Variants in CWF19L1 observed in about 807,000 individuals in gnomAD.
CWF19L1 encodes CWF19 like cell cycle control factor 1.
In CWF19L1, 60 loss-of-function variants were observed where a neutral mutation model predicts 69.7. That is an observed-to-expected ratio of 0.86 (90% CI 0.70 to 1.07). CWF19L1 has a LOEUF of 1.07. CWF19L1 is among the 50% of genes least tolerant of loss of function. CWF19L1 has a pLI of 0.00. For synonymous variants in CWF19L1, 209 were observed against 222.2 expected (o/e 0.94, Z 0.53); for missense variants, 591 against 638.9 (o/e 0.92, Z 0.81).
rs1199183806 is a variant in CWF19L1, at chr10:100,243,755, C to A, written c.987G>T (p.Trp329Cys). ...CCACTTCAGGGCTAGCAAGGCAAAA[C>A]CAGCAGGGTCCTGGAGGCTGAGCTT... The part of the protein sequence containing the change: ...RKPPQPPGPC[W>C]FCLASPEVEK... Residue 329 changes from tryptophan to cysteine, a missense_variant, in exon 10 of 14, where the codon TGG becomes TGT. This residue lies in a region of CWF19L1 where 458 missense variants were observed against 489.3 expected (regional missense o/e 0.94). Coordinates refer to ENST00000354105, the MANE Select transcript of CWF19L1 (RefSeq NM_018294.6). 2 of 1,614,030 alleles carry A rather than the reference C, an allele frequency of 1.2e-6. No individual in the cohort carries two copies. The highest frequency in any genetic ancestry group is 8.5e-7 in the Non-Finnish European group (1 of 1,179,990).
At chr10:100,265,944 G>A (rs1331693322) in intron 1 of CWF19L1, among the ~76,000 whole-genome samples, 1 of 152,190 alleles carries the variant, frequency 6.6e-6, no homozygotes, top group Non-Finnish European at 1.5e-5. Context: ...TAGGTGTACA[G>A]GAAGCCATAC....
Position 100,243,687 on chromosome 10 carries a change from A to G in CWF19L1, c.1044+11T>C, listed in dbSNP as rs778196729. 6.2e-7 allele frequency: 1 copy of G among 1,612,780 alleles called. No homozygotes were observed. Among genetic ancestry groups the G allele is most frequent in the Non-Finnish European group, 8.5e-7 (1 of 1,178,740 alleles). On this transcript the variant is annotated intron_variant, in intron 10 of 13. Transcript: ENST00000354105. ...ATCTCCTTCTCTATAAAGTCCAAGG[A>G]AGTAACTCACATGTGTGCCGATGTT... is the stretch of plus-strand genomic sequence containing the variant.
At chr10:100,260,789 C>T (rs932793908) in intron 3 of CWF19L1, among the ~76,000 whole-genome samples, 177 bp downstream of exon 3, 5 of 151,940 alleles carry the variant, frequency 3.3e-5, no homozygotes, top group African/African-American at 9.7e-5. Context: ...TCCCAAAGTG[C>T]GGGGATTACA....
rs180918866 is a variant in CWF19L1 at position 100,261,116 on chromosome 10, C to G, written c.109-72G>C. 542 of 961,444 alleles carry G rather than the reference C, an allele frequency of 5.6e-4. 5 individuals carry two copies. The highest frequency in any genetic ancestry group is 3.8e-3 in the Middle Eastern group (15 of 3,954). 59.6% of individuals were successfully genotyped at this position (961,444 alleles called of 1,614,324 possible). A position where few individuals can be genotyped will look rare whatever the true frequency, so the allele number is the denominator to read the frequency against. On this transcript the variant is annotated intron_variant, in intron 2 of 13. Coordinates refer to ENST00000354105, the MANE Select transcript of CWF19L1 (RefSeq NM_018294.6). ...ACAGTACATAATTGATAGTAATATT[C>G]AACTAGTTATTTAATAGTTTCAAAT...
chr10:100,246,694 A>T, intron 8 of CWF19L1, 101 bp downstream of exon 8: 1 of 1,211,634 alleles, frequency 8.3e-7, no homozygotes, highest in Non-Finnish European at 1.1e-6. Flanking sequence ...CCCAAGGGGA[A>T]AAAAAAGATT....
intron 1 of CWF19L1, among the ~76,000 whole-genome samples, chr10:100,266,760 T>C (rs1434242735): frequency 2.0e-5 from 3 of 150,986 alleles, no homozygotes; most frequent in African/African-American, 7.3e-5. Flanking sequence ...CCGCAAGTGA[T>C]CCGCCCGCCT....
intron 4 of CWF19L1, among the ~76,000 whole-genome samples, 177 bp downstream of exon 4, chr10:100,260,041 G>A (rs898919466): frequency 3.9e-5 from 6 of 152,036 alleles, no homozygotes; most frequent in Non-Finnish European, 7.4e-5. Context: ...GGTCACACAC[G>A]CCTGTAATCC....
intron 7 of CWF19L1, 61 bp from the exon 8 acceptor site, chr10:100,246,996 C>T (rs1298523638): frequency 2.1e-6 from 3 of 1,434,720 alleles, no homozygotes; most frequent in African/African-American, 1.4e-5. Flanking sequence ...CTGTAATCAA[C>T]CTATTTTACT....
chr10:100,235,849 T>A, intron 12 of CWF19L1, 85 bp from the exon 13 acceptor site: 1 of 948,584 alleles, frequency 1.1e-6, no homozygotes, highest in Non-Finnish European at 1.6e-6. Flanking sequence ...AATAATTCAG[T>A]CTAAATGCAC....
intron 7 of CWF19L1, chr10:100,248,972 G>A (rs975919609): frequency 3.1e-5 from 22 of 705,942 alleles, no homozygotes; most frequent in African/African-American, 2.4e-4. Flanking sequence ...ATAGAGCTGC[G>A]CAAGCTGGAA....
Position 100,245,919 on chromosome 10 carries a change from A to G in CWF19L1, c.850-6T>C, listed in dbSNP as rs368468863. 1.2e-6 allele frequency: 2 copies of G among 1,603,246 alleles called. No individual in the cohort carries two copies. Among genetic ancestry groups the G allele is most frequent in the African/African-American group, 2.7e-5 (2 of 74,678 alleles). On this transcript the variant is annotated splice_region_variant and splice_polypyrimidine_tract_variant and intron_variant, in intron 8 of 13. Coordinates refer to ENST00000354105, the MANE Select transcript of CWF19L1 (RefSeq NM_018294.6). The stretch of plus-strand genomic sequence containing the variant: ...AACTGACAGGCTGATTCTTCCTGGA[A>G]TGGCCAAAAGCAGAAGATTAAATGT...
At chr10:100,256,194 G>C in intron 5 of CWF19L1, 68 bp downstream of exon 5, 1 of 1,223,990 alleles carries the variant, frequency 8.2e-7, no homozygotes, top group African/African-American at 1.5e-5. Context: ...AACAGGAAAA[G>C]AAAAAAGTCC....
intron 10 of CWF19L1, among the ~76,000 whole-genome samples, chr10:100,242,471 T>A (rs551702660): frequency 1.3e-5 from 2 of 152,230 alleles, no homozygotes; most frequent in Admixed American, 1.3e-4. Context: ...GTCGGGAGTT[T>A]GAGACCAGCC....
chr10:100,247,851 G>A (rs915201531), intron 7 of CWF19L1, among the ~76,000 whole-genome samples: 1 of 152,014 alleles, frequency 6.6e-6, no homozygotes, highest in African/African-American at 2.4e-5. Context: ...AGCCGAGATC[G>A]TGCCACTACA....
At chr10:100,241,254 C>T (rs374144820) in intron 10 of CWF19L1, among the ~76,000 whole-genome samples, 4 of 152,098 alleles carry the variant, frequency 2.6e-5, no homozygotes, top group East Asian at 3.9e-4. Context: ...ATCCACCTGC[C>T]TCAGCTTCCC....
chr10:100,243,329 T>C (rs551701237), intron 10 of CWF19L1, among the ~76,000 whole-genome samples: 8 of 152,318 alleles, frequency 5.3e-5, no homozygotes, highest in Admixed American at 1.3e-4. Context: ...TGCTGCAACA[T>C]GGATGAACCT....
In CWF19L1 at chr10:100,256,473, C is replaced by T. The variant is rs549226093; in HGVS notation, c.293G>A (p.Arg98His). 278 of 1,613,936 alleles carry T rather than the reference C, an allele frequency of 1.7e-4. No individual in the cohort carries two copies. The highest frequency in any genetic ancestry group is 2.1e-4 in the Non-Finnish European group (243 of 1,179,844). ...CGAGCTTCCAGTGAAGATACCTTTA[C>T]GACCTGGGTTCAAAGAAAAATGAAC... Reference protein sequence around the residue: ...ELAENITYLGRKGIFTGSSGL... With the variant: ...ELAENITYLGHKGIFTGSSGL... Residue 98 changes from arginine (R) to histidine (H), a missense_variant, in exon 5 of 14, where the codon CGT (arginine) becomes CAT (histidine). By Grantham distance (29) the Arg-to-His change is conservative (BLOSUM62 0). Around this residue, in one of 3 missense-constraint regions of CWF19L1, gnomAD observed 129 missense variants for 131.3 expected, o/e 0.98. Coordinates refer to ENST00000354105, the MANE Select transcript of CWF19L1 (RefSeq NM_018294.6).
At position 100,259,364 on chromosome 10, in the gene CWF19L1, G is replaced by A. The variant is rs59974403; in HGVS notation, c.289+854C>T. The stretch of plus-strand genomic sequence containing the variant: ...GCTGTGGAGGAAACAACTTTAAGCT[G>A]GAACTGAAGAGTGTACCTAGAACCA... On this transcript the variant is annotated intron_variant, in intron 4 of 13. Coordinates refer to ENST00000354105, the MANE Select transcript of CWF19L1 (RefSeq NM_018294.6). 9.5e-3 allele frequency among the ~76,000 whole-genome samples: 1,447 copies of A among 152,122 alleles called. 30 individuals carry two copies. The highest frequency in any genetic ancestry group is 0.033 in the African/African-American group (1,368 of 41,486).
intron 5 of CWF19L1, chr10:100,253,908 T>G (rs1847125110): frequency 6.0e-6 from 1 of 166,208 alleles, no homozygotes; most frequent in Non-Finnish European, 1.3e-5. Context: ...GGAGTCTTGC[T>G]TTGTCACCCA....
Sources: allele counts gnomAD v4.1 joint callset (sites outside exome capture counted in the v4.1 genomes callset), GRCh38; gene constraint gnomAD v4.1.1; regional missense constraint gnomAD v4.1.1; transcripts MANE v1.5; gene names NCBI Gene and HGNC (gene_info 2026-07-23, HGNC 2026-07-21).